The following COL17A1 variants were observed in gnomAD, a reference collection of about 807,000 sequenced individuals.
The protein encoded by COL17A1 is collagen alpha-1(XVII) chain.
In COL17A1, 181 loss-of-function variants were observed where a neutral mutation model predicts 218.4. That is an observed-to-expected ratio of 0.83 (90% confidence interval 0.73 to 0.94). The LOEUF (loss-of-function observed/expected upper bound fraction) is 0.94, where lower values mean the gene tolerates loss of function less well. Among genes scored for constraint, COL17A1 ranks in the 40% least tolerant of loss-of-function variants. The probability of loss-of-function intolerance (pLI) is 0.00; values close to 1 mark genes in which losing one functional copy is unlikely to be tolerated. For synonymous variants in COL17A1, 721 were observed against 731.0 expected, an observed-to-expected ratio of 0.99 and a Z score of 0.22; for missense variants, 1,924 against 1,945.9, an observed-to-expected ratio of 0.99 and a Z score of 0.21.
At chr10:104,052,493 C>T (rs1433810579) in intron 23 of COL17A1, among the ~76,000 whole-genome samples, 1 of 152,176 alleles carries the variant, frequency 6.6e-6, no homozygotes, top group African/African-American at 2.4e-5. Flanking sequence ...ATAAAGCTTC[C>T]TGCTCACAGT....
intron 32 of COL17A1, 128 bp from the exon 33 acceptor site, chr10:104,045,921 T>A: frequency 1.2e-6 from 1 of 813,300 alleles, no homozygotes; most frequent in South Asian, 1.4e-5. Context: ...ACGCACCAGC[T>A]TTGCCTTCCG....
Position 104,051,395 on chromosome 10 carries a change from T to C in COL17A1, c.2038+86A>G, listed in dbSNP as rs370315195. 14 of 1,526,974 alleles carry C rather than the reference T, an allele frequency of 9.2e-6. No individual in the cohort carries two copies. In the African/African-American group the frequency reaches 1.8e-4, roughly 19 times the overall value. 94.6% of individuals were successfully genotyped at this position (1,526,974 alleles called of 1,614,324 possible). On this transcript the variant is annotated intron_variant, in intron 25 of 55. Transcript: ENST00000648076. ...GAGGCTTGCTTTATAATTGCTTCTT[T>C]GGCTTTAAAAATATTTGGTTTTCCT...
intron 6 of COL17A1, chr10:104,073,958 A>G: frequency 3.5e-6 from 2 of 576,110 alleles, no homozygotes; most frequent in Non-Finnish European, 6.0e-6. Flanking sequence ...TACCATTTCT[A>G]TAGTGCCACG....
At chr10:104,050,066 G>A (rs2086452780) in intron 28 of COL17A1, 23 bp downstream of exon 28, 1 of 1,613,962 alleles carries the variant, frequency 6.2e-7, no homozygotes, top group Non-Finnish European at 8.5e-7. Context: ...ATAGATTAAA[G>A]TAGATTCCCA....
rs2086519459 is a variant in COL17A1, at chr10:104,055,871, G to T, written c.1598C>A (p.Ala533Glu). 6.2e-7 allele frequency: 1 copy of T among 1,614,060 alleles called. No individual in the cohort carries two copies. Among genetic ancestry groups the T allele is most frequent in the African/African-American group, 1.3e-5 (1 of 74,918 alleles). ...GTGCAGCCCAATTTTGTCCAGGTCT[G>T]CTCCCGCCGCGGGTGCCATGCCCTG... Reference protein sequence around the residue: ...RLQGMAPAAGADLDKIGLHSD... With the variant: ...RLQGMAPAAGEDLDKIGLHSD... Residue 533 changes from alanine to glutamate, a missense_variant, in exon 18 of 56, where the codon GCA (alanine) becomes GAA (glutamate). Coordinates refer to ENST00000648076, the MANE Select transcript of COL17A1 (RefSeq NM_000494.4).
intron 11 of COL17A1, among the ~76,000 whole-genome samples, chr10:104,062,615 T>G (rs867611378): frequency 1.3e-5 from 2 of 152,270 alleles, no homozygotes; most frequent in Middle Eastern, 3.4e-3. Flanking sequence ...CTGACAGATC[T>G]CTCAAAATTT....
rs369811990 is a variant in COL17A1, at chr10:104,055,825, G to A, written c.1644C>T (p.Leu548=). The change falls in exon 18 of 56, where the codon CTC becomes CTT. Residue 548 remains leucine (L), a synonymous_variant. Transcript: ENST00000648076. ...IGLHSDSQEE[L]WMFVRKKLMM... ...TTAGCTTCTTCCTCACGAACATCCA[G>A]AGCTCCTCCTGGCTGTCACTGTGCA... The A allele has an allele frequency of 6.8e-5, 109 of 1,614,052 alleles. No individual in the cohort carries two copies. Among genetic ancestry groups the A allele is most frequent in the Non-Finnish European group, 8.6e-5 (101 of 1,180,040 alleles).
chr10:104,070,118 A>G (rs931907666), intron 9 of COL17A1, among the ~76,000 whole-genome samples: 1 of 152,182 alleles, frequency 6.6e-6, no homozygotes, highest in Admixed American at 6.5e-5. Context: ...AAAGTAGGGA[A>G]TATCCAATCA....
At chr10:104,081,216 C>T (rs910738639) in intron 1 of COL17A1, among the ~76,000 whole-genome samples, 3 of 152,108 alleles carry the variant, frequency 2.0e-5, no homozygotes, top group Non-Finnish European at 4.4e-5. Flanking sequence ...TTATATTTGT[C>T]GTACTTGTAT....
intron 7 of COL17A1, 111 bp downstream of exon 7, chr10:104,073,099 T>C (rs935456278): frequency 3.0e-6 from 3 of 991,650 alleles, no homozygotes; most frequent in Admixed American, 3.4e-5. Flanking sequence ...AAAGCATGCC[T>C]TATTTATTCT....
chr10:104,037,898 A>C, intron 45 of COL17A1, 125 bp from the exon 46 acceptor site: 1 of 1,235,714 alleles, frequency 8.1e-7, no homozygotes, highest in Non-Finnish European at 1.1e-6. Context: ...AGGCTGGGCC[A>C]GGAGGGAGCC....
chr10:104,048,455 G>A (rs2086435610), intron 29 of COL17A1, among the ~76,000 whole-genome samples: 1 of 152,138 alleles, frequency 6.6e-6, no homozygotes, highest in Non-Finnish European at 1.5e-5. Flanking sequence ...CTCCAAAATG[G>A]TGGCCTTCTG....
At position 104,056,003 on chromosome 10, in the gene COL17A1, G is replaced by C. The variant is rs756182932; in HGVS notation, c.1466C>G (p.Ala489Gly). The C allele has an allele frequency of 1.2e-6, 2 of 1,614,086 alleles. No homozygotes were observed. The highest frequency in any genetic ancestry group is 2.2e-5 in the South Asian group (2 of 91,086). Residue 489 changes from alanine to glycine, a missense_variant and splice_region_variant, in exon 18 of 56, where the codon GCG becomes GGG. Coordinates refer to ENST00000648076, the MANE Select transcript of COL17A1 (RefSeq NM_000494.4). ...CGCCTTCAGCTTCCTCACCTCCTCC[G>C]CTGCAACAAACAGACACACACTGCG... ...LGLLFGLIAL[A>G]EEVRKLKARV...
At chr10:104,084,063 G>A (rs1461480099) in intron 1 of COL17A1, among the ~76,000 whole-genome samples, 3 of 152,184 alleles carry the variant, frequency 2.0e-5, no homozygotes, top group Non-Finnish European at 4.4e-5. Context: ...CTTTGTCTCT[G>A]TAACACCCCA....
chr10:104,042,237 T>A (rs2086367416), intron 36 of COL17A1, among the ~76,000 whole-genome samples, 183 bp downstream of exon 36: 3 of 152,310 alleles, frequency 2.0e-5, no homozygotes, highest in Middle Eastern at 3.4e-3. Context: ...AGAACTTCTC[T>A]GACAGCTGCC....
rs141553451 is a variant in COL17A1 at position 104,062,156 on chromosome 10, C to T, written c.910+102G>A. 9.2e-5 allele frequency: 144 copies of T among 1,562,212 alleles called. No homozygotes were observed. In the African/African-American group the frequency reaches 1.6e-3, roughly 17 times the overall value. ...GTGTTGTGTCTTTGGTGGGAAAGGT[C>T]GACTGATTTTCAGGGACATTTTGGG... On this transcript the variant is annotated intron_variant, in intron 12 of 55. Coordinates refer to ENST00000648076, the MANE Select transcript of COL17A1 (RefSeq NM_000494.4).
At position 104,037,832 on chromosome 10, in the gene COL17A1, C is replaced by T. The variant is rs1354283230; in HGVS notation, c.3071-59G>A. ...GTCCCAAGAGGACATGTTCTCCCCA[C>T]GGAGGTGACCTGAAGCACATGATAA... On this transcript the variant is annotated intron_variant, in intron 45 of 55. Transcript: ENST00000648076. 2.7e-5 allele frequency: 43 copies of T among 1,589,124 alleles called. No homozygotes were observed. Among genetic ancestry groups the T allele is most frequent in the South Asian group, 3.4e-5 (3 of 88,488 alleles).
intron 15 of COL17A1, 112 bp from the exon 16 acceptor site, chr10:104,058,302 C>T (rs1425447441): frequency 2.1e-5 from 28 of 1,359,060 alleles, no homozygotes; most frequent in Non-Finnish European, 2.7e-5. Context: ...TTGCTTTCAA[C>T]GACGTGCAGG....
rs1180654535 is a variant in COL17A1, at chr10:104,051,510, C to A, written c.2009G>T (p.Ser670Ile). 6.2e-7 allele frequency: 1 copy of A among 1,614,074 alleles called. No individual in the cohort carries two copies. Among genetic ancestry groups the A allele is most frequent in the Non-Finnish European group, 8.5e-7 (1 of 1,180,038 alleles). The change falls in exon 25 of 56, where the codon AGC becomes ATC. Residue 670 changes from serine (S) to isoleucine (I), a missense_variant. Coordinates refer to ENST00000648076, the MANE Select transcript of COL17A1 (RefSeq NM_000494.4). ...VPGSVGPKGS[S>I]GSPGPQGPPG... The stretch of plus-strand genomic sequence containing the variant: ...AGGGCCCTGTGGGCCAGGAGAGCCG[C>A]TGGAACCTGAGAAGGAGGACAAGAC...
Sources: allele counts gnomAD v4.1 joint callset (sites outside exome capture counted in the v4.1 genomes callset), GRCh38; gene constraint gnomAD v4.1.1; transcripts MANE v1.5; gene names NCBI Gene and HGNC (gene_info 2026-07-23, HGNC 2026-07-21).